Variants in MACF1 observed in about 807,000 individuals in gnomAD.
MACF1 encodes microtubule-actin cross-linking factor 1.
In MACF1, 193 loss-of-function variants were observed where a neutral mutation model predicts 854.8. The observed-to-expected ratio is 0.23, with a 90% CI of 0.20 to 0.25. The LOEUF (loss-of-function observed/expected upper bound fraction) is 0.25, where lower values mean the gene tolerates loss of function less well. Among genes scored for constraint, MACF1 ranks in the 10% least tolerant of loss-of-function variants. The probability of loss-of-function intolerance (pLI) is 1.00; values close to 1 mark genes in which losing one functional copy is unlikely to be tolerated. For missense variants in MACF1, 7,722 were observed against 8,929.1 expected, an observed-to-expected ratio of 0.86 and a Z score of 5.45; for synonymous variants, 3,185 against 3,226.7, an observed-to-expected ratio of 0.99 and a Z score of 0.44.
At position 39,105,497 on chromosome 1, in the gene MACF1, G is replaced by A. The variant is rs1642205776; in HGVS notation, c.220+21059G>A. The A allele has an allele frequency of 9.9e-7, 1 of 1,012,846 alleles. No individual in the cohort carries two copies. Among genetic ancestry groups the A allele is most frequent in the South Asian group, 3.7e-5 (1 of 26,758 alleles). The allele number at this position is 1,012,846 out of a possible 1,614,324, so 62.7% of individuals were successfully genotyped here. On this transcript the variant is annotated intron_variant, in intron 2 of 93. Coordinates refer to the MACF1 transcript ENST00000361689. The surrounding 1 kb of genome is among the most constrained non-coding windows in gnomAD (Gnocchi z 5.9). ...GGCCGGGCGAGGCGGGCGGACGGCG[G>A]AGAGCGAGGGCGCCGTCGCCGTCTC...
chr1:39,349,351 A>G (rs1469511444), intron 41 of MACF1, 127 bp from the exon 42 acceptor site: 2 of 879,988 alleles, frequency 2.3e-6, no homozygotes, highest in East Asian at 2.6e-5. Flanking sequence ...GTCTTTTCCT[A>G]TTCTAGTCTC....
intron 2 of MACF1, among the ~76,000 whole-genome samples, chr1:39,175,370 A>G (rs905116777): frequency 6.6e-6 from 1 of 152,244 alleles, no homozygotes; most frequent in African/African-American, 2.4e-5. Flanking sequence ...AAGTATTCTC[A>G]AAAACTAGAA....
intron 70 of MACF1, chr1:39,436,393 A>T: frequency 7.3e-7 from 1 of 1,364,526 alleles, no homozygotes; most frequent in Non-Finnish European, 1.0e-6. Context: ...CACATTGTGG[A>T]ATGTGTTACT....
chr1:39,259,820 G>T (rs1645139090), intron 6 of MACF1, among the ~76,000 whole-genome samples: 1 of 151,600 alleles, frequency 6.6e-6, no homozygotes, highest in African/African-American at 2.4e-5. Flanking sequence ...GTTTCTCCAT[G>T]TTGGTCAGGC....
intron 47 of MACF1, among the ~76,000 whole-genome samples, chr1:39,360,065 A>T: frequency 7.4e-6 from 1 of 134,680 alleles, no homozygotes; most frequent in African/African-American, 2.7e-5. Flanking sequence ...ACACACACAC[A>T]CACACATATG....
Position 39,429,983 on chromosome 1 carries a change from T to C in MACF1, c.17045T>C (p.Leu5682Pro). 1 of 1,613,778 alleles carries C rather than the reference T, an allele frequency of 6.2e-7. No individual in the cohort carries two copies. ...ACTTATGAGGAACTGACCGGGTGGC[T>C]GAGGGAGGTGGAGGAGGAGCTGGCA... ...QSTYEELTGW[L>P]REVEEELATS... The change falls in exon 65 of 101, where the codon CTG (leucine) becomes CCG (proline). Residue 5682 changes from leucine (L) to proline (P), a missense_variant. By Grantham distance (98) the Leu-to-Pro change is moderately conservative. Around this residue, in one of 15 missense-constraint regions of MACF1, gnomAD observed 2,807 missense variants for 3,235.8 expected, o/e 0.87. Coordinates refer to ENST00000564288, the MANE Select transcript of MACF1 (RefSeq NM_001394062.1).
intron 100 of MACF1, 152 bp downstream of exon 100, chr1:39,484,882 T>G: frequency 1.2e-6 from 1 of 832,622 alleles, no homozygotes; most frequent in East Asian, 2.6e-5. Flanking sequence ...CAAGTGACCT[T>G]TACTTTTTCT....
chr1:39,260,169 ACTCTGAGTCCTTTGG>A, intron 6 of MACF1, among the ~76,000 whole-genome samples: 1 of 151,968 alleles, frequency 6.6e-6, no homozygotes, highest in South Asian at 2.1e-4. Flanking sequence ...TTTCAAGTTG[ACTCTGAGTCCTTTGG>A]CATGACCACA....
chr1:39,421,387 A>G (rs1168808383), intron 58 of MACF1, among the ~76,000 whole-genome samples: 1 of 152,194 alleles, frequency 6.6e-6, no homozygotes, highest in East Asian at 1.9e-4. Context: ...TATCTTACTC[A>G]GAGTGTGTGT....
chr1:39,472,253 T>C (rs1431162294), intron 97 of MACF1, among the ~76,000 whole-genome samples: 9 of 152,204 alleles, frequency 5.9e-5, no homozygotes, highest in Non-Finnish European at 1.2e-4. Context: ...TTTGAATCAA[T>C]GTAAATATTA....
intron 58 of MACF1, chr1:39,410,523 A>C (rs372569696): frequency 2.5e-6 from 4 of 1,614,054 alleles, no homozygotes; most frequent in Non-Finnish European, 3.4e-6. Context: ...TTGAATCTAG[A>C]GCACCAGAAG....
At chr1:39,415,333 T>C (rs1449518147) in intron 58 of MACF1, among the ~76,000 whole-genome samples, 2 of 151,166 alleles carry the variant, frequency 1.3e-5, no homozygotes, top group Non-Finnish European at 2.9e-5. Flanking sequence ...AGATTCTTTT[T>C]ATTTTTTTTT....
intron 97 of MACF1, among the ~76,000 whole-genome samples, chr1:39,469,896 T>G (rs1249871340): frequency 6.6e-6 from 1 of 152,252 alleles, no homozygotes; most frequent in Non-Finnish European, 1.5e-5. Flanking sequence ...CATTTATGCC[T>G]CATATGAAGT....
At chr1:39,242,732 T>A (rs1279274505) in intron 2 of MACF1, among the ~76,000 whole-genome samples, 2 of 73,328 alleles carry the variant, frequency 2.7e-5, no homozygotes, top group African/African-American at 4.8e-5. Flanking sequence ...TGAGACCCTA[T>A]CTCCAAAAAA....
chr1:39,197,774 T>C (rs1193254427), intron 2 of MACF1, among the ~76,000 whole-genome samples: 1 of 152,068 alleles, frequency 6.6e-6, no homozygotes, highest in East Asian at 1.9e-4. Context: ...TAGTCCCAGC[T>C]CCTCAGGAGG....
At chr1:39,365,292 G>A (rs1648601203) in intron 49 of MACF1, among the ~76,000 whole-genome samples, 1 of 152,010 alleles carries the variant, frequency 6.6e-6, no homozygotes, top group African/African-American at 2.4e-5. Context: ...TAGCCAGGAT[G>A]GTCTCGATCT....
At chr1:39,232,746 G>GTTTTTTTTTTTTGTTTTTTTTTTTTTTT (rs1644793857) in intron 2 of MACF1, among the ~76,000 whole-genome samples, 1 of 128,486 alleles carries the variant, frequency 7.8e-6, no homozygotes, top group Non-Finnish European at 1.7e-5. Context: ...TACTCTCTTT[G>GTTTTTTTTTTTTGTTTTTTTTTTTTTTT]TTTTTTTTTT....
chr1:39,303,543 ACT>A (rs770261539), intron 23 of MACF1, among the ~76,000 whole-genome samples: 30 of 147,444 alleles, frequency 2.0e-4, no homozygotes, highest in Non-Finnish European at 3.6e-4. Context: ...ACAGAGCGAG[ACT>A]CTGTCTCAAA....
At chr1:39,411,002 C>T in intron 58 of MACF1, 1 of 1,614,020 alleles carries the variant, frequency 6.2e-7, no homozygotes, top group Admixed American at 1.7e-5. Flanking sequence ...AGTGGTAACA[C>T]AGATGTAATG....
Sources: gnomAD v4.1 joint callset for allele counts (sites outside exome capture counted in the v4.1 genomes callset) on GRCh38, gnomAD v4.1.1 for gene constraint, gnomAD v4.1.1 regional missense constraint, Gnocchi (gnomAD v3.1) non-coding constraint, MANE v1.5 for transcripts, NCBI Gene and HGNC (gene_info 2026-07-23, HGNC 2026-07-21) for gene names.